SNX25: variants seen among roughly 807,000 people sequenced by gnomAD.
The protein encoded by SNX25 is sorting nexin 25.
SNX25 carries 62 observed loss-of-function variants against 113.7 expected under a neutral mutation model. The ratio of observed to expected loss-of-function variants is 0.55; its 90% confidence interval spans 0.44 to 0.67. The LOEUF (loss-of-function observed/expected upper bound fraction) is 0.67. Ranked by LOEUF, SNX25 falls within the 30% of genes least tolerant of loss-of-function variation. SNX25 has a pLI of 0.00. For missense variants in SNX25, 1,014 were observed against 1,161.0 expected (o/e 0.87, Z 1.84); for synonymous variants, 421 against 436.2 (o/e 0.97, Z 0.43).
At chr4:185,224,450 TATATATAGATATATAAATATATAA>T (rs1740547380) in intron 1 of SNX25, among the ~76,000 whole-genome samples, 1 of 18,514 alleles carries the variant, frequency 5.4e-5, no homozygotes, top group South Asian at 2.2e-3. Context: ...TATATAAATA[TATATATAGATATATAAATATATAA>T]ATATATAGAT....
At chr4:185,277,049 G>T (rs1375066573) in intron 5 of SNX25, among the ~76,000 whole-genome samples, 2 of 152,136 alleles carry the variant, frequency 1.3e-5, no homozygotes, top group Non-Finnish European at 2.9e-5. Flanking sequence ...TTTCAAGAAG[G>T]AGTCTCGCTC....
intron 1 of SNX25, among the ~76,000 whole-genome samples, chr4:185,240,441 A>AG: frequency 7.0e-6 from 1 of 143,104 alleles, no homozygotes; most frequent in Non-Finnish European, 1.5e-5. Flanking sequence ...GGCCGGGCAG[A>AG]GGGGCTCCTC....
intron 12 of SNX25, among the ~76,000 whole-genome samples, chr4:185,345,238 C>T (rs761292887): frequency 2.6e-5 from 4 of 152,100 alleles, no homozygotes; most frequent in Non-Finnish European, 5.9e-5. Flanking sequence ...TGTGAGTTTT[C>T]CTGTTGTGAG....
chr4:185,348,191 T>C (rs2095297612), intron 13 of SNX25, among the ~76,000 whole-genome samples: 1 of 152,222 alleles, frequency 6.6e-6, no homozygotes, highest in Non-Finnish European at 1.5e-5. Context: ...AATCACACTT[T>C]GGATCTTAAA....
intron 9 of SNX25, among the ~76,000 whole-genome samples, 158 bp from the exon 10 acceptor site, chr4:185,332,437 T>C (rs1210975766): frequency 6.6e-6 from 1 of 152,258 alleles, no homozygotes; most frequent in Admixed American, 6.5e-5. Flanking sequence ...CCAAAGACTT[T>C]GATTTTTCTC....
upstream of SNX25, among the ~76,000 whole-genome samples, chr4:185,208,170 G>A (rs186970652): frequency 5.3e-3 from 810 of 152,066 alleles, 9 homozygotes; most frequent in Admixed American, 0.017. Context: ...GTGCAATGGC[G>A]CGATGTCGGC....
intron 6 of SNX25, among the ~76,000 whole-genome samples, chr4:185,304,514 T>A (rs1014579896): frequency 6.6e-6 from 1 of 152,068 alleles, no homozygotes; most frequent in African/African-American, 2.4e-5. Flanking sequence ...TGCGCCACCA[T>A]GCCCGGCTAA....
chr4:185,343,754 G>C (rs2095271458), intron 12 of SNX25, among the ~76,000 whole-genome samples: 1 of 152,058 alleles, frequency 6.6e-6, no homozygotes, highest in Admixed American at 6.5e-5. Context: ...TTTTTCTCTT[G>C]CTTAGCGTGA....
At chr4:185,378,551 G>A in the SNX25 span, 1 of 1,031,004 alleles carries the variant, frequency 9.7e-7, no homozygotes, top group Non-Finnish European at 1.2e-6. Flanking sequence ...ACTGCCCACA[G>A]TCAGAGCTCT....
intron 9 of SNX25, among the ~76,000 whole-genome samples, chr4:185,326,489 TAA>T (rs1183104915): frequency 6.6e-6 from 1 of 152,152 alleles, no homozygotes; most frequent in East Asian, 1.9e-4. Flanking sequence ...TAGCCATAGT[TAA>T]AGACACAATT....
At chr4:185,315,010 C>T (rs1395053753) in intron 7 of SNX25, among the ~76,000 whole-genome samples, 2 of 151,596 alleles carry the variant, frequency 1.3e-5, no homozygotes, top group African/African-American at 4.8e-5. Context: ...GGGCGGATCA[C>T]GAGGTCAGGA....
At chr4:185,215,886 C>A (rs1334893702) in intron 1 of SNX25, among the ~76,000 whole-genome samples, 2 of 151,712 alleles carry the variant, frequency 1.3e-5, no homozygotes, top group Non-Finnish European at 2.9e-5. Context: ...TCCTCCTGGG[C>A]TCAAGCCATC....
At chr4:185,227,479 G>T (rs533800795) in intron 1 of SNX25, among the ~76,000 whole-genome samples, 1 of 152,212 alleles carries the variant, frequency 6.6e-6, no homozygotes, top group African/African-American at 2.4e-5. Context: ...GCATTCACCC[G>T]GGAAGGACTT....
chr4:185,318,824 C>A (rs746234842), intron 7 of SNX25, among the ~76,000 whole-genome samples: 6 of 152,242 alleles, frequency 3.9e-5, no homozygotes, highest in Non-Finnish European at 8.8e-5. Flanking sequence ...AACTTAACAC[C>A]CTAATTCACG....
chr4:185,263,961 A>G (rs2280666), intron 3 of SNX25, among the ~76,000 whole-genome samples: 58,199 of 152,038 alleles, frequency 0.38, 11,819 homozygotes, highest in East Asian at 0.57. Flanking sequence ...TTGCCATCAA[A>G]TTAGATAACG....
chr4:185,267,966 C>T lies in SNX25; in HGVS notation c.1091+811C>T, dbSNP rs535110489. Among the ~76,000 whole-genome samples the T allele has an allele frequency of 5.9e-5, 9 of 152,228 alleles. No homozygotes were observed. In the East Asian group the frequency reaches 1.5e-3, roughly 26 times the overall value. Reference sequence around the variant, plus strand: ...AGTAGATCATCATAAAGGTCTTCATCCTCATCTCTTCACATGGAAGTATGC... The same window carrying T: ...AGTAGATCATCATAAAGGTCTTCATTCTCATCTCTTCACATGGAAGTATGC... On this transcript the variant is annotated intron_variant, in intron 5 of 18. Coordinates refer to ENST00000652585, the MANE Select transcript of SNX25 (RefSeq NM_001378034.2).
Position 185,288,025 on chromosome 4 carries a change from G to C in SNX25, c.1105G>C (p.Val369Leu), listed in dbSNP as rs752531738. 1.9e-6 allele frequency: 3 copies of C among 1,612,056 alleles called. No homozygotes were observed. In the East Asian group the frequency reaches 6.7e-5, roughly 36 times the overall value. ...TTTAAAAATCAGGTATCAAATTGTA[G>C]TGGAAATAATCCAGGCGACTACAAT... ...FLKQLRYQIV[V>L]EIIQATTISS... is the part of the protein sequence containing the mutation. The change falls in exon 6 of 19, where the codon GTG becomes CTG. Residue 369 changes from valine (V) to leucine (L), a missense_variant. By Grantham distance (32) the Val-to-Leu change is conservative. Transcript: ENST00000652585.
downstream of SNX25, among the ~76,000 whole-genome samples, chr4:185,368,386 C>G (rs1193850324): frequency 6.6e-6 from 1 of 152,146 alleles, no homozygotes; most frequent in Non-Finnish European, 1.5e-5. Flanking sequence ...TACTGCCTCA[C>G]CTTCTGCCAT....
At chr4:185,266,827 T>C (rs1374746920) in intron 4 of SNX25, 142 bp from the exon 5 acceptor site, 14 of 686,588 alleles carry the variant, frequency 2.0e-5, no homozygotes, top group Non-Finnish European at 3.2e-5. Context: ...CATTTTTGAA[T>C]TGTTTATTGT....
Sources: allele counts gnomAD v4.1 joint callset (sites outside exome capture counted in the v4.1 genomes callset), GRCh38; gene constraint gnomAD v4.1.1; transcripts MANE v1.5; gene names NCBI Gene and HGNC (gene_info 2026-07-23, HGNC 2026-07-21).